ATF3: variants seen among roughly 807,000 people sequenced by gnomAD.
ATF3 encodes the protein activating transcription factor 3.
A neutral mutation model predicts 18.4 loss-of-function variants in ATF3; 10 were observed. That is an observed-to-expected ratio of 0.54 (90% confidence interval 0.34 to 0.92). The LOEUF is 0.92. Among genes scored for constraint, ATF3 ranks in the 40% least tolerant of loss-of-function variants. ATF3 has a pLI of 0.02. For synonymous variants in ATF3, 78 were observed against 87.9 expected (o/e 0.89, Z 0.63); for missense variants, 183 against 222.3 (o/e 0.82, Z 1.12).
upstream of ATF3, among the ~76,000 whole-genome samples, chr1:212,607,921 A>AC (rs57756672): frequency 6.6e-6 from 1 of 151,682 alleles, no homozygotes; most frequent in African/African-American, 2.4e-5. Context: ...AAAAAAAAAA[A>AC]TCGAACCGAT....
At chr1:212,613,147 C>T (rs1043363355) in intron 1 of ATF3, among the ~76,000 whole-genome samples, 1 of 152,118 alleles carries the variant, frequency 6.6e-6, no homozygotes, top group African/African-American at 2.4e-5. Context: ...TGCTCACACT[C>T]CCAGAAGGCA....
intron 1 of ATF3, among the ~76,000 whole-genome samples, chr1:212,569,651 T>G (rs543431919): frequency 1.3e-4 from 20 of 152,266 alleles, no homozygotes; most frequent in African/African-American, 4.8e-4. Flanking sequence ...CTTCATTCTT[T>G]CCACCTCATA....
intron 1 of ATF3, among the ~76,000 whole-genome samples, chr1:212,610,280 G>A (rs1368881439): frequency 6.6e-6 from 1 of 152,174 alleles, no homozygotes; most frequent in South Asian, 2.1e-4. Context: ...GAAAGAAAAG[G>A]AGAGCCAGAA....
chr1:212,576,742 T>C (rs1664587641), intron 1 of ATF3, among the ~76,000 whole-genome samples: 1 of 138,680 alleles, frequency 7.2e-6, no homozygotes, highest in South Asian at 2.3e-4. Flanking sequence ...TTTTTTTTTT[T>C]TTTGAGGCAG....
At chr1:212,592,347 A>T (rs1032572887) in intron 1 of ATF3, among the ~76,000 whole-genome samples, 2 of 152,234 alleles carry the variant, frequency 1.3e-5, no homozygotes, top group South Asian at 4.1e-4. Context: ...GATAATAATC[A>T]CAACATATCT....
intron 1 of ATF3, among the ~76,000 whole-genome samples, chr1:212,588,651 A>G (rs1463955273): frequency 6.6e-6 from 1 of 152,130 alleles, no homozygotes. Flanking sequence ...CAACAAAAAA[A>G]CAGTCTCCCA....
At chr1:212,571,740 C>G (rs1295448392) in intron 1 of ATF3, among the ~76,000 whole-genome samples, 2 of 131,866 alleles carry the variant, frequency 1.5e-5, no homozygotes, top group African/African-American at 5.8e-5. Context: ...GAGACGGAGT[C>G]TGGCTCTGTC....
chr1:212,595,732 C>T (rs1197802276), intron 1 of ATF3, among the ~76,000 whole-genome samples: 1 of 152,168 alleles, frequency 6.6e-6, no homozygotes, highest in Non-Finnish European at 1.5e-5. Context: ...TAACAAGTTT[C>T]ACATTGGCTT....
chr1:212,612,284 T>C (rs1038294832), intron 1 of ATF3, among the ~76,000 whole-genome samples: 1 of 152,156 alleles, frequency 6.6e-6, no homozygotes, highest in Non-Finnish European at 1.5e-5. Context: ...TGACTTTACA[T>C]AAGAAGAAGG....
At chr1:212,593,062 G>A (rs1664919725) in intron 1 of ATF3, among the ~76,000 whole-genome samples, 1 of 151,138 alleles carries the variant, frequency 6.6e-6, no homozygotes, top group Non-Finnish European at 1.5e-5. Context: ...GTGATAGACT[G>A]GATTAAGAAA....
intron 1 of ATF3, among the ~76,000 whole-genome samples, chr1:212,577,902 T>G (rs1664612723): frequency 6.6e-6 from 1 of 152,236 alleles, no homozygotes; most frequent in African/African-American, 2.4e-5. Flanking sequence ...TGCAGATATC[T>G]CTTTGACATA....
rs558981899 is a variant in ATF3 at position 212,588,274 on chromosome 1, T to C, written c.-5+22791T>C. Among the ~76,000 whole-genome samples the C allele has an allele frequency of 3.9e-5, 6 of 152,216 alleles. No homozygotes were observed. The South Asian group carries it at 1.2e-3, about 32-fold the overall frequency. On this transcript the variant is annotated intron_variant, in intron 1 of 3. Transcript: ENST00000366981. ...ACTGCACGTTCTCCACTCCCCACCC[T>C]GCTCAGAAACAGCCCTAACCCGGCA...
At chr1:212,581,271 T>C (rs1664679690) in intron 1 of ATF3, among the ~76,000 whole-genome samples, 1 of 152,240 alleles carries the variant, frequency 6.6e-6, no homozygotes, top group South Asian at 2.1e-4. Flanking sequence ...TGGTCTTGTG[T>C]CTCAGTGGGG....
chr1:212,576,185 A>T (rs914836432), intron 1 of ATF3, among the ~76,000 whole-genome samples: 9 of 151,954 alleles, frequency 5.9e-5, no homozygotes, highest in African/African-American at 1.9e-4. Flanking sequence ...ACCAAATTTT[A>T]TTTTTTTCTT....
intron 1 of ATF3, among the ~76,000 whole-genome samples, chr1:212,577,174 A>G (rs1664597427): frequency 6.6e-6 from 1 of 152,202 alleles, no homozygotes; most frequent in Admixed American, 6.5e-5. Flanking sequence ...CTTTGAACAT[A>G]TTACCCTTAT....
At chr1:212,594,429 A>C (rs2102636630) in intron 1 of ATF3, among the ~76,000 whole-genome samples, 1 of 152,296 alleles carries the variant, frequency 6.6e-6, no homozygotes, top group South Asian at 2.1e-4. Context: ...AAAACAAAAA[A>C]CCTAACAATT....
At chr1:212,596,069 G>A (rs11119985) in intron 1 of ATF3, among the ~76,000 whole-genome samples, 51,084 of 152,114 alleles carry the variant, frequency 0.34, 10,813 homozygotes, top group Non-Finnish European at 0.45. Context: ...TGTGGCCCCA[G>A]TGGAGTGGGA....
intron 1 of ATF3, among the ~76,000 whole-genome samples, chr1:212,578,572 A>G (rs2102625239): frequency 6.6e-6 from 1 of 152,206 alleles, no homozygotes; most frequent in African/African-American, 2.4e-5. Flanking sequence ...GTTTATACTA[A>G]TCATTTCTGA....
chr1:212,618,975 G>A lies in ATF3; in HGVS notation c.349-383G>A. 1 of 1,588,610 alleles carries A rather than the reference G, an allele frequency of 6.3e-7. No homozygotes were observed. ...TGTTGCTATATACATTTTTTCTGGG[G>A]AGATGAGCTTCTCATTGAGATCTGT... On this transcript the variant is annotated intron_variant, in intron 3 of 3. Transcript: ENST00000341491. The surrounding 1 kb of genome is among the most constrained non-coding windows in gnomAD (Gnocchi z 4.4).
Sources: gnomAD v4.1 joint callset for allele counts (sites outside exome capture counted in the v4.1 genomes callset) on GRCh38, gnomAD v4.1.1 for gene constraint, Gnocchi (gnomAD v3.1) non-coding constraint, MANE v1.5 for transcripts, NCBI Gene and HGNC (gene_info 2026-07-23, HGNC 2026-07-21) for gene names.